The following PTPN21 variants were observed in gnomAD, a reference collection of about 807,000 sequenced individuals.
PTPN21 encodes tyrosine-protein phosphatase non-receptor type 21.
A neutral mutation model predicts 131.8 loss-of-function variants in PTPN21; 77 were observed. That is an observed-to-expected ratio of 0.58 (90% CI 0.49 to 0.71). PTPN21 has a LOEUF of 0.71. Among genes scored for constraint, PTPN21 ranks in the 30% least tolerant of loss-of-function variants. The pLI, the probability that PTPN21 is intolerant of heterozygous loss-of-function variation, is 0.00. For synonymous variants in PTPN21, 715 were observed against 621.3 expected (o/e 1.15, Z -2.24); for missense variants, 1,552 against 1,527.1 (o/e 1.02, Z -0.27).
intron 10 of PTPN21, among the ~76,000 whole-genome samples, chr14:88,495,057 GGATCT>G (rs1214310357): frequency 7.1e-6 from 1 of 140,674 alleles, no homozygotes; most frequent in African/African-American, 2.6e-5. Context: ...GTCAGTGTCA[GGATCT>G]GATTCAGGTT....
At chr14:88,529,788 T>A (rs1193850694) in intron 2 of PTPN21, among the ~76,000 whole-genome samples, 2 of 151,856 alleles carry the variant, frequency 1.3e-5, no homozygotes, top group Non-Finnish European at 2.9e-5. Flanking sequence ...TTGAGACCAG[T>A]CTGGCCAACA....
chr14:88,517,697 C>T (rs146295357), intron 2 of PTPN21, among the ~76,000 whole-genome samples: 2,657 of 137,302 alleles, frequency 0.019, 84 homozygotes, highest in African/African-American at 0.064. Flanking sequence ...CATATGTGTG[C>T]GTATGTGTAT....
chr14:88,486,514 TA>T (rs567734311), intron 10 of PTPN21, among the ~76,000 whole-genome samples: 2 of 152,066 alleles, frequency 1.3e-5, no homozygotes, highest in African/African-American at 4.8e-5. Context: ...CCCCATCTTT[TA>T]AAAAACTCAA....
At chr14:88,551,049 A>T (rs2139371222) in intron 1 of PTPN21, among the ~76,000 whole-genome samples, 1 of 152,326 alleles carries the variant, frequency 6.6e-6, no homozygotes, top group South Asian at 2.1e-4. Flanking sequence ...GCTAGGTTTC[A>T]GTCCCAATCC....
Position 88,500,130 on chromosome 14 carries a change from A to G in PTPN21, c.764+653T>C, listed in dbSNP as rs187487217. Among the ~76,000 whole-genome samples the G allele has an allele frequency of 1.2e-3, 176 of 142,248 alleles. 4 individuals carry two copies. Among genetic ancestry groups the G allele is most frequent in the African/African-American group, 4.6e-3 (166 of 36,422 alleles). 93.3% of individuals were successfully genotyped at this position (142,248 alleles called of 152,430 possible). On this transcript the variant is annotated intron_variant, in intron 8 of 18. Transcript: ENST00000556564. ...AACTAGAGTCAAAACAAAGCTCTATATTTTTCATAGGAAAGAGCCCTTCAG... is the reference window on the plus strand; with the variant it reads ...AACTAGAGTCAAAACAAAGCTCTATGTTTTTCATAGGAAAGAGCCCTTCAG...
chr14:88,467,738 C>T lies in PTPN21; in HGVS notation c.*399G>A, dbSNP rs1170830267. The stretch of plus-strand genomic sequence containing the variant: ...ACTAGAAAAATCCCTAAATATTTGT[C>T]ATAAAATAAAAACTCCATTATCAAA... On this transcript the variant is annotated 3_prime_UTR_variant, in exon 19 of 19. Coordinates refer to ENST00000556564, the MANE Select transcript of PTPN21 (RefSeq NM_007039.4). The T allele has an allele frequency of 1.1e-5, 2 of 177,192 alleles. No individual in the cohort carries two copies. Among genetic ancestry groups the T allele is most frequent in the African/African-American group, 4.8e-5 (2 of 41,624 alleles). 11.0% of individuals were successfully genotyped at this position (177,192 alleles called of 1,614,324 possible). A position where few individuals can be genotyped will look rare whatever the true frequency, so the allele number is the denominator to read the frequency against.
At chr14:88,480,894 A>G (rs1269459419) in intron 12 of PTPN21, among the ~76,000 whole-genome samples, 2 of 152,244 alleles carry the variant, frequency 1.3e-5, no homozygotes, top group Admixed American at 6.5e-5. Flanking sequence ...CACACAGCCC[A>G]TAAAGTGTCC....
chr14:88,518,357 C>CACTT (rs2078323113), intron 2 of PTPN21, among the ~76,000 whole-genome samples: 1 of 72,572 alleles, frequency 1.4e-5, no homozygotes, highest in Non-Finnish European at 2.6e-5. Context: ...TGTATATATA[C>CACTT]ATACACGTGT....
intron 2 of PTPN21, among the ~76,000 whole-genome samples, chr14:88,540,619 C>T (rs1425890520): frequency 2.0e-5 from 3 of 152,164 alleles, no homozygotes; most frequent in Admixed American, 1.3e-4. Context: ...GACAAGTCAA[C>T]GAAGTCTGAG....
chr14:88,545,648 T>G (rs2078765519), intron 2 of PTPN21, among the ~76,000 whole-genome samples: 1 of 152,188 alleles, frequency 6.6e-6, no homozygotes, highest in South Asian at 2.1e-4. Context: ...AACAGCAATA[T>G]TTTCCTAAGG....
At chr14:88,518,283 CAT>C (rs1566839636) in intron 2 of PTPN21, among the ~76,000 whole-genome samples, 11 of 90,622 alleles carry the variant, frequency 1.2e-4, no homozygotes, top group Non-Finnish European at 2.3e-4. Flanking sequence ...TACACACACA[CAT>C]ACGCACACAC....
At chr14:88,470,120 A>G in intron 15 of PTPN21, 70 bp from the exon 16 acceptor site, 1 of 1,477,756 alleles carries the variant, frequency 6.8e-7, no homozygotes, top group South Asian at 1.2e-5. Context: ...GCATGCATTC[A>G]TGGTAGTACT....
At position 88,469,369 on chromosome 14, in the gene PTPN21, T is replaced by A. The variant is rs1274447580; in HGVS notation, c.3235+130A>T. On this transcript the variant is annotated intron_variant, in intron 17 of 18. Coordinates refer to ENST00000556564, the MANE Select transcript of PTPN21 (RefSeq NM_007039.4). The surrounding 1 kb of genome is among the most constrained non-coding windows in gnomAD (Gnocchi z 4.3). ...TTAACCCTCCCCAAAACACTTGTAT[T>A]CTTTATGTTAAAACAAGTCCGAAGC... 4 of 880,724 alleles carry A rather than the reference T, an allele frequency of 4.5e-6. No homozygotes were observed. The South Asian group carries it at 5.2e-5, about 11-fold the overall frequency. The allele number at this position is 880,724 out of a possible 1,614,324, so 54.6% of individuals were successfully genotyped here. A position where few individuals can be genotyped will look rare whatever the true frequency, so the allele number is the denominator to read the frequency against.
In PTPN21 at chr14:88,526,242, T is replaced by C. The variant is rs111773971; in HGVS notation, c.181-8981A>G. On this transcript the variant is annotated intron_variant, in intron 2 of 18. Transcript: ENST00000556564. ...TGTAATCGTACTAAATGCCAATGAG[T>C]TGTTTACTTTAAAGTGGTTAGTTGT... is the stretch of plus-strand genomic sequence containing the variant. Among the ~76,000 whole-genome samples the C allele has an allele frequency of 3.1e-3, 473 of 151,920 alleles. 2 individuals are homozygous for C. Among genetic ancestry groups the C allele is most frequent in the African/African-American group, 0.011 (442 of 41,438 alleles).
intron 2 of PTPN21, among the ~76,000 whole-genome samples, chr14:88,533,567 G>C (rs1463155090): frequency 6.6e-6 from 1 of 152,132 alleles, no homozygotes; most frequent in Non-Finnish European, 1.5e-5. Context: ...TTTTTATTTA[G>C]AGTGTACTCC....
chr14:88,473,176 G>A (rs1408826428), intron 14 of PTPN21, among the ~76,000 whole-genome samples: 2 of 152,030 alleles, frequency 1.3e-5, no homozygotes, highest in South Asian at 2.1e-4. Context: ...GGAAATATTC[G>A]AAACTACCTC....
At chr14:88,510,733 G>C (rs1187714883) in intron 3 of PTPN21, among the ~76,000 whole-genome samples, 2 of 152,068 alleles carry the variant, frequency 1.3e-5, no homozygotes, top group Non-Finnish European at 2.9e-5. Flanking sequence ...AGAGATAATA[G>C]CACCTACATC....
At chr14:88,487,061 T>C (rs895371695) in intron 10 of PTPN21, among the ~76,000 whole-genome samples, 3 of 151,754 alleles carry the variant, frequency 2.0e-5, no homozygotes, top group African/African-American at 7.3e-5. Flanking sequence ...TTTCAACTAC[T>C]CACACAGCAA....
At chr14:88,521,026 T>C (rs79036351) in intron 2 of PTPN21, among the ~76,000 whole-genome samples, 1 of 152,006 alleles carries the variant, frequency 6.6e-6, no homozygotes, top group South Asian at 2.1e-4. Flanking sequence ...ATATTTTTTT[T>C]GGTCAAGAGA....
Sources: allele counts gnomAD v4.1 joint callset (sites outside exome capture counted in the v4.1 genomes callset), GRCh38; gene constraint gnomAD v4.1.1; non-coding constraint Gnocchi (gnomAD v3.1); transcripts MANE v1.5; gene names NCBI Gene and HGNC (gene_info 2026-07-23, HGNC 2026-07-21).